RBFOX1: variants seen among roughly 807,000 people sequenced by gnomAD.
RBFOX1 encodes RNA binding fox-1 homolog 1.
Under a neutral mutation model 57.7 loss-of-function variants are expected in RBFOX1, and 8 were observed. The ratio of observed to expected loss-of-function variants is 0.14; its 90% CI spans 0.08 to 0.25. The LOEUF (loss-of-function observed/expected upper bound fraction) is 0.25, where lower values mean the gene tolerates loss of function less well. Among genes scored for constraint, RBFOX1 ranks in the 10% least tolerant of loss-of-function variants. RBFOX1 has a pLI of 1.00. For missense variants in RBFOX1, 611 were observed against 548.5 expected, an observed-to-expected ratio of 1.11 and a Z score of -1.14; for synonymous variants, 326 against 222.4, an observed-to-expected ratio of 1.47 and a Z score of -4.15.
chr16:7,464,019 C>G (rs1430446967), intron 4 of RBFOX1, among the ~76,000 whole-genome samples: 1 of 152,232 alleles, frequency 6.6e-6, no homozygotes, highest in African/African-American at 2.4e-5. Flanking sequence ...GCCAGGAGGT[C>G]TGACTCCAAA....
At chr16:5,600,623 C>T (rs1417364211), downstream of RBFOX1, among the ~76,000 whole-genome samples, 1 of 152,038 alleles carries the variant, frequency 6.6e-6, no homozygotes, top group Admixed American at 6.6e-5. Flanking sequence ...TCTAAGGGCC[C>T]ACTGCTTGGT....
chr16:5,611,707 C>CATCCGTCCATCT lies in RBFOX1; in HGVS notation c.318+12750_318+12751insGTCCATCTATCC, dbSNP rs1222779709. On this transcript the variant is annotated intron_variant, in intron 3 of 19. Transcript: ENST00000641259. ...CCACCCACTCCCCCACCCACTCTCC[C>CATCCGTCCATCT]ATCCATCCATCTATCCATCCATCCA... 4.0e-3 allele frequency among the ~76,000 whole-genome samples: 580 copies of CATCCGTCCATCT among 144,520 alleles called. 21 individuals carry two copies. The East Asian group carries it at 0.082, about 20-fold the overall frequency. The allele number at this position is 144,520 out of a possible 152,430, so 94.8% of individuals were successfully genotyped here.
intron 1 of RBFOX1, among the ~76,000 whole-genome samples, chr16:6,311,059 G>A (rs1254848017): frequency 6.6e-6 from 1 of 152,022 alleles, no homozygotes; most frequent in Non-Finnish European, 1.5e-5. Context: ...CACTTTGGGA[G>A]GCCAAGGCGG....
At position 6,440,643 on chromosome 16, in the gene RBFOX1, G is replaced by A. The variant is rs534136955; in HGVS notation, c.-64+123586G>A. Among the ~76,000 whole-genome samples the A allele has an allele frequency of 1.9e-4, 29 of 151,960 alleles. No individual in the cohort carries two copies. In the East Asian group the frequency reaches 3.1e-3, roughly 16 times the overall value. ...CGGTGAAAACCTGTCTTTACTAAAA[G>A]TACAAAAATTAGCTGGGTGTGGTAC... is the stretch of plus-strand genomic sequence containing the variant. On this transcript the variant is annotated intron_variant, in intron 2 of 15. Transcript: ENST00000550418.
intron 3 of RBFOX1, among the ~76,000 whole-genome samples, chr16:6,811,409 T>A (rs1232139961): frequency 2.6e-5 from 4 of 152,244 alleles, no homozygotes; most frequent in Non-Finnish European, 5.9e-5. Context: ...CATTGAATAT[T>A]TTAATGTTTC....
At chr16:6,667,546 A>C (rs2098740399) in intron 3 of RBFOX1, among the ~76,000 whole-genome samples, 1 of 152,088 alleles carries the variant, frequency 6.6e-6, no homozygotes, top group Admixed American at 6.5e-5. Flanking sequence ...TCTTACACTG[A>C]GGGTACTTAT....
chr16:5,710,766 C>G (rs537033694), intron 3 of RBFOX1, among the ~76,000 whole-genome samples: 1 of 152,138 alleles, frequency 6.6e-6, no homozygotes, highest in Non-Finnish European at 1.5e-5. Context: ...CTCTGTGTCC[C>G]TGGGGACCCC....
intron 1 of RBFOX1, among the ~76,000 whole-genome samples, chr16:6,060,269 T>G (rs1261368954): frequency 6.6e-6 from 1 of 151,960 alleles, no homozygotes; most frequent in Non-Finnish European, 1.5e-5. Context: ...AGCCACAATT[T>G]GGCTCAGAGG....
intron 3 of RBFOX1, among the ~76,000 whole-genome samples, chr16:5,617,901 C>G (rs1431205451): frequency 6.6e-6 from 1 of 152,198 alleles, no homozygotes; most frequent in Admixed American, 6.5e-5. Flanking sequence ...AGGTAACACT[C>G]TTACCTGGTA....
At chr16:5,610,590 T>G (rs1021759850) in intron 3 of RBFOX1, 2 of 152,002 alleles carry the variant, frequency 1.3e-5, no homozygotes, top group Non-Finnish European at 2.9e-5. Context: ...GCTTTGGAGG[T>G]TGAGGCAGGA....
chr16:6,589,167 C>G (rs904297068), intron 2 of RBFOX1, among the ~76,000 whole-genome samples: 2 of 152,132 alleles, frequency 1.3e-5, no homozygotes, highest in African/African-American at 4.8e-5. Flanking sequence ...GCTAGAATAC[C>G]ACTGCCAGAA....
At position 7,122,077 on chromosome 16, in the gene RBFOX1, C is replaced by G. The variant is rs145548856; in HGVS notation, c.27+69979C>G. ...TAGAAGAACACATGGGTAAAATATT[C>G]ACGTCCAAAGGAGTTAAAATAAGAA... On this transcript the variant is annotated intron_variant, in intron 4 of 15. Coordinates refer to ENST00000550418, the MANE Select transcript of RBFOX1 (RefSeq NM_018723.4). Among the ~76,000 whole-genome samples the G allele has an allele frequency of 3.1e-3, 476 of 152,106 alleles. 5 individuals are homozygous for G. Among genetic ancestry groups the G allele is most frequent in the African/African-American group, 0.011 (448 of 41,532 alleles).
chr16:7,028,611 A>G (rs9989392), intron 3 of RBFOX1, among the ~76,000 whole-genome samples: 1 of 31,562 alleles, frequency 3.2e-5, no homozygotes, highest in Non-Finnish European at 6.5e-5. Context: ...CACACACACA[A>G]AAAAAAAAAA....
chr16:5,480,027 G>C (rs1023581068), intron 2 of RBFOX1, among the ~76,000 whole-genome samples: 1 of 152,058 alleles, frequency 6.6e-6, no homozygotes, highest in African/African-American at 2.4e-5. Context: ...GCTTTCTCCT[G>C]TTCAGGGTCA....
intron 1 of RBFOX1, among the ~76,000 whole-genome samples, chr16:5,369,919 A>C (rs2065815948): frequency 6.6e-6 from 1 of 152,090 alleles, no homozygotes; most frequent in South Asian, 2.1e-4. Flanking sequence ...ATGTCTGAGA[A>C]TGTTAGGAAA....
chr16:6,656,870 G>C (rs1432267566), intron 3 of RBFOX1, among the ~76,000 whole-genome samples: 3 of 142,408 alleles, frequency 2.1e-5, no homozygotes, highest in Non-Finnish European at 3.0e-5. Flanking sequence ...TTTTAAACAA[G>C]GTAACTCCTC....
chr16:6,055,826 A>G (rs1160810418), intron 1 of RBFOX1, among the ~76,000 whole-genome samples: 1 of 152,188 alleles, frequency 6.6e-6, no homozygotes, highest in Non-Finnish European at 1.5e-5. Flanking sequence ...ACACTTGGCA[A>G]ACACAGAAAA....
At chr16:6,930,799 CTTTA>C (rs1239427411) in intron 3 of RBFOX1, among the ~76,000 whole-genome samples, 1 of 152,098 alleles carries the variant, frequency 6.6e-6, no homozygotes, top group Non-Finnish European at 1.5e-5. Flanking sequence ...AGTTTTCTCA[CTTTA>C]TTCAGTCTAT....
chr16:5,444,801 G>A (rs2068192220), intron 1 of RBFOX1, among the ~76,000 whole-genome samples: 2 of 152,146 alleles, frequency 1.3e-5, no homozygotes, highest in Admixed American at 6.5e-5. Flanking sequence ...TGTGATGGAT[G>A]TATTAGGTTG....
Sources: gnomAD v4.1 joint callset for allele counts (sites outside exome capture counted in the v4.1 genomes callset) on GRCh38, gnomAD v4.1.1 for gene constraint, MANE v1.5 for transcripts, NCBI Gene and HGNC (gene_info 2026-07-23, HGNC 2026-07-21) for gene names.